The following PDHX variants were observed in gnomAD, a reference collection of about 807,000 sequenced individuals.
The protein encoded by PDHX is pyruvate dehydrogenase complex component X.
A neutral mutation model predicts 55.3 loss-of-function variants in PDHX; 33 were observed. The ratio of observed to expected loss-of-function variants is 0.60; its 90% CI spans 0.45 to 0.80. The LOEUF (loss-of-function observed/expected upper bound fraction) is 0.80, where lower values mean the gene tolerates loss of function less well. Among genes scored for constraint, PDHX ranks in the 30% least tolerant of loss-of-function variants. PDHX has a pLI of 0.00. For synonymous variants in PDHX, 226 were observed against 219.4 expected, an observed-to-expected ratio of 1.03 and a Z score of -0.27; for missense variants, 622 against 619.9, an observed-to-expected ratio of 1.00 and a Z score of -0.04.
chr11:34,953,894 C>A (rs894347382), intron 3 of PDHX, among the ~76,000 whole-genome samples: 1 of 150,154 alleles, frequency 6.7e-6, no homozygotes, highest in Non-Finnish European at 1.5e-5. Context: ...CAGTGCTTGG[C>A]ACTTGAAAGC....
At chr11:34,932,510 C>T (rs946514162) in intron 2 of PDHX, among the ~76,000 whole-genome samples, 2 of 152,118 alleles carry the variant, frequency 1.3e-5, no homozygotes, top group Admixed American at 6.5e-5. Context: ...GTAAGAAATA[C>T]GCAGACACTT....
At chr11:34,961,343 T>A (rs1446552335) in intron 5 of PDHX, among the ~76,000 whole-genome samples, 1 of 152,198 alleles carries the variant, frequency 6.6e-6, no homozygotes, top group Admixed American at 6.5e-5. Context: ...TGAAACTTAG[T>A]CTAGTAGGGT....
intron 1 of PDHX, among the ~76,000 whole-genome samples, chr11:34,919,020 C>T (rs922543473): frequency 6.6e-6 from 1 of 152,160 alleles, no homozygotes; most frequent in Non-Finnish European, 1.5e-5. Flanking sequence ...ACCTTAATTC[C>T]ATCTTTAACC....
chr11:34,991,142 T>C (rs1048157166), intron 9 of PDHX, among the ~76,000 whole-genome samples: 1 of 152,210 alleles, frequency 6.6e-6, no homozygotes, highest in African/African-American at 2.4e-5. Context: ...TCATCTGTCT[T>C]GTCTTCTGTA....
At chr11:34,941,231 T>C (rs1854469644) in intron 2 of PDHX, among the ~76,000 whole-genome samples, 1 of 152,054 alleles carries the variant, frequency 6.6e-6, no homozygotes, top group African/African-American at 2.4e-5. Context: ...TATCCTTCTT[T>C]GTGTGTGTGT....
At chr11:34,993,702 T>C (rs1023007500) in intron 10 of PDHX, among the ~76,000 whole-genome samples, 2 of 152,168 alleles carry the variant, frequency 1.3e-5, no homozygotes, top group African/African-American at 2.4e-5. Context: ...CCAATTTTGT[T>C]CACCCTCAAG....
intron 2 of PDHX, among the ~76,000 whole-genome samples, chr11:34,937,830 C>A (rs1255640706): frequency 6.6e-6 from 1 of 152,140 alleles, no homozygotes; most frequent in Non-Finnish European, 1.5e-5. Context: ...CTGGTAGAAG[C>A]CATTATTCTG....
At chr11:34,965,382 G>A (rs1483202306) in intron 5 of PDHX, among the ~76,000 whole-genome samples, 9 of 152,074 alleles carry the variant, frequency 5.9e-5, no homozygotes, top group African/African-American at 1.4e-4. Context: ...TGCTTCTCCC[G>A]GGCCAGCAGT....
chr11:34,916,088 C>T, upstream of PDHX: 1 of 1,126,296 alleles, frequency 8.9e-7, no homozygotes, highest in South Asian at 1.6e-5. Context: ...CGCGGTGCGC[C>T]GGGGTAGCGA....
chr11:34,932,165 A>C (rs975196997), intron 2 of PDHX, among the ~76,000 whole-genome samples: 2 of 152,180 alleles, frequency 1.3e-5, no homozygotes, highest in African/African-American at 4.8e-5. Context: ...CTTAATGTAT[A>C]AAAATGAAAC....
At chr11:34,922,321 T>G (rs2133938079) in intron 1 of PDHX, among the ~76,000 whole-genome samples, 1 of 152,244 alleles carries the variant, frequency 6.6e-6, no homozygotes, top group South Asian at 2.1e-4. Flanking sequence ...TGGGGATAGG[T>G]TTGGGAATAA....
In PDHX at chr11:34,957,688, G is replaced by T. The variant is rs1590751045; in HGVS notation, c.542+105G>T. ...TTCGCACATCGTTGTACATCACGTA[G>T]GAAGTTGCTGTTCTCAGCACACTCA... On this transcript the variant is annotated intron_variant, in intron 4 of 10. Transcript: ENST00000227868. 2.6e-5 allele frequency: 24 copies of T among 916,486 alleles called. No individual in the cohort carries two copies. In the East Asian group the frequency reaches 6.3e-4, roughly 24 times the overall value. 56.8% of individuals were successfully genotyped at this position (916,486 alleles called of 1,614,324 possible).
chr11:34,986,925 C>G (rs1053296336), intron 9 of PDHX, among the ~76,000 whole-genome samples: 13 of 152,178 alleles, frequency 8.5e-5, no homozygotes, highest in Non-Finnish European at 1.8e-4. Context: ...TTACGCTATG[C>G]CAGGCACTGG....
chr11:34,946,246 A>G (rs1374807290), intron 2 of PDHX, among the ~76,000 whole-genome samples: 1 of 151,832 alleles, frequency 6.6e-6, no homozygotes, highest in Non-Finnish European at 1.5e-5. Flanking sequence ...TTTCATTTTT[A>G]AGATTTCTAA....
Position 34,939,504 on chromosome 11 carries a change from T to TGTGTGC in PDHX, c.242-8001_242-8000insTGTGCG, listed in dbSNP as rs1491574898. Among the ~76,000 whole-genome samples the TGTGTGC allele has an allele frequency of 9.0e-4, 133 of 148,510 alleles. 1 individual carries two copies. The highest frequency in any genetic ancestry group is 3.1e-3 in the African/African-American group (123 of 39,272). On this transcript the variant is annotated intron_variant, in intron 2 of 10. Coordinates refer to ENST00000227868, the MANE Select transcript of PDHX (RefSeq NM_003477.3). ...GTGTGTGTGTGTGTGTGTGTGTGTG[T>TGTGTGC]GCACTTGCATGCGCGCAGCGTTTTA...
intron 3 of PDHX, among the ~76,000 whole-genome samples, chr11:34,953,319 T>G (rs1269819266): frequency 6.6e-6 from 1 of 152,200 alleles, no homozygotes; most frequent in East Asian, 1.9e-4. Context: ...AATGCCTTTC[T>G]TCACAGAATT....
chr11:34,931,546 T>TC (rs1274845242), intron 2 of PDHX, 62 bp downstream of exon 2: 4 of 942,648 alleles, frequency 4.2e-6, no homozygotes, highest in Non-Finnish European at 6.8e-6. Flanking sequence ...GTTTTGTTTT[T>TC]TTTTTTCCTA....
chr11:34,937,311 A>G (rs1010700011), intron 2 of PDHX, among the ~76,000 whole-genome samples: 3 of 152,094 alleles, frequency 2.0e-5, no homozygotes, highest in Non-Finnish European at 4.4e-5. Context: ...TTATAAGTAA[A>G]TCTTTTCAAT....
chr11:34,930,978 T>G (rs546752916), intron 1 of PDHX, among the ~76,000 whole-genome samples: 1 of 152,322 alleles, frequency 6.6e-6, no homozygotes, highest in South Asian at 2.1e-4. Flanking sequence ...AGAACCGTGT[T>G]TTTGTTGTTG....
Sources: gnomAD v4.1 joint callset for allele counts (sites outside exome capture counted in the v4.1 genomes callset) on GRCh38, gnomAD v4.1.1 for gene constraint, MANE v1.5 for transcripts, NCBI Gene and HGNC (gene_info 2026-07-23, HGNC 2026-07-21) for gene names.